Variants in MACROD2 observed in about 807,000 individuals in gnomAD.
MACROD2 encodes mono-ADP ribosylhydrolase 2.
MACROD2 carries 36 observed loss-of-function variants against 70.4 expected under a neutral mutation model. That is an observed-to-expected ratio of 0.51 (90% confidence interval 0.39 to 0.68). MACROD2 has a LOEUF of 0.68. Among genes scored for constraint, MACROD2 ranks in the 30% least tolerant of loss-of-function variants. The pLI is 0.00. For missense variants in MACROD2, 496 were observed against 538.4 expected, an observed-to-expected ratio of 0.92 and a Z score of 0.78; for synonymous variants, 172 against 178.8, an observed-to-expected ratio of 0.96 and a Z score of 0.30.
intron 5 of MACROD2, among the ~76,000 whole-genome samples, chr20:14,891,657 A>G (rs1372058256): frequency 6.6e-6 from 1 of 152,118 alleles, no homozygotes; most frequent in East Asian, 1.9e-4. Flanking sequence ...ATAGTAATAG[A>G]AAACAGAGGG....
chr20:16,028,543 G>A lies in MACROD2; in HGVS notation c.1154-12658G>A, dbSNP rs1373333914. Among the ~76,000 whole-genome samples the A allele has an allele frequency of 2.6e-5, 4 of 152,114 alleles. No homozygotes were observed. The South Asian group carries it at 6.2e-4, about 24-fold the overall frequency. ...AAGTATTTCTATATATCAGGATCTCGTGCTCACCCTCAGCTATCATCACTG... is the reference window on the plus strand; with the variant it reads ...AAGTATTTCTATATATCAGGATCTCATGCTCACCCTCAGCTATCATCACTG... On this transcript the variant is annotated intron_variant, in intron 15 of 17. Transcript: ENST00000684519.
intron 5 of MACROD2, among the ~76,000 whole-genome samples, chr20:14,807,792 G>A (rs746304712): frequency 1.1e-4 from 17 of 152,174 alleles, no homozygotes; most frequent in South Asian, 1.0e-3. Flanking sequence ...ACTTTGTGAA[G>A]CATACACAAG....
intron 5 of MACROD2, among the ~76,000 whole-genome samples, chr20:15,065,421 C>T (rs1044305788): frequency 3.3e-5 from 5 of 152,044 alleles, no homozygotes; most frequent in South Asian, 2.1e-4. Flanking sequence ...TTTGGGAGGC[C>T]GAGGCGGGCG....
chr20:14,882,525 G>T (rs1465318108), intron 5 of MACROD2, among the ~76,000 whole-genome samples: 1 of 152,140 alleles, frequency 6.6e-6, no homozygotes, highest in Non-Finnish European at 1.5e-5. Flanking sequence ...TAAATAGATT[G>T]GGAAGTTGGG....
At chr20:14,988,860 CAATGTCCGG>C (rs2074874178) in intron 5 of MACROD2, among the ~76,000 whole-genome samples, 1 of 152,042 alleles carries the variant, frequency 6.6e-6, no homozygotes, top group Non-Finnish European at 1.5e-5. Flanking sequence ...TTTGTAACAT[CAATGTCCGG>C]AATTTCTGCA....
chr20:15,675,501 A>T (rs188969058), intron 8 of MACROD2, among the ~76,000 whole-genome samples: 1 of 152,280 alleles, frequency 6.6e-6, no homozygotes, highest in African/African-American at 2.4e-5. Flanking sequence ...TCTTCAATGC[A>T]TTTGCTTACG....
At chr20:14,951,396 A>G (rs1043409632) in intron 5 of MACROD2, among the ~76,000 whole-genome samples, 2 of 152,134 alleles carry the variant, frequency 1.3e-5, no homozygotes, top group African/African-American at 4.8e-5. Flanking sequence ...TCCCATCTCA[A>G]GCACCTCCTT....
chr20:15,554,602 C>T (rs2048141621), intron 8 of MACROD2, among the ~76,000 whole-genome samples: 1 of 148,742 alleles, frequency 6.7e-6, no homozygotes, highest in Non-Finnish European at 1.5e-5. Flanking sequence ...TTAAACAAAA[C>T]ATGGTTATAT....
chr20:15,296,712 G>A (rs1207536052), intron 6 of MACROD2, among the ~76,000 whole-genome samples: 1 of 149,480 alleles, frequency 6.7e-6, no homozygotes, highest in Non-Finnish European at 1.5e-5. Flanking sequence ...AGTCTGGAAA[G>A]GAATTTGGTT....
intron 5 of MACROD2, among the ~76,000 whole-genome samples, chr20:14,735,653 G>C (rs1333282044): frequency 6.6e-6 from 1 of 151,946 alleles, no homozygotes; most frequent in African/African-American, 2.4e-5. Context: ...TTCGTGACCA[G>C]CCTGGACAAT....
chr20:15,095,732 T>C (rs759877269), intron 5 of MACROD2, among the ~76,000 whole-genome samples: 18 of 151,898 alleles, frequency 1.2e-4, no homozygotes, highest in Non-Finnish European at 2.5e-4. Flanking sequence ...TTAGCCGGGA[T>C]GGTCTCGATC....
intron 6 of MACROD2, among the ~76,000 whole-genome samples, chr20:15,293,716 C>T (rs1722914595): frequency 6.6e-6 from 1 of 152,182 alleles, no homozygotes; most frequent in African/African-American, 2.4e-5. Flanking sequence ...GAGACCAAAC[C>T]TCTGATGCAA....
intron 3 of MACROD2, among the ~76,000 whole-genome samples, chr20:14,452,236 A>G (rs1242359233): frequency 6.6e-6 from 1 of 152,094 alleles, no homozygotes; most frequent in Non-Finnish European, 1.5e-5. Context: ...TTCTAATTGC[A>G]CATGGCTAAT....
At chr20:14,252,521 A>G (rs1568522026) in intron 3 of MACROD2, among the ~76,000 whole-genome samples, 1 of 151,878 alleles carries the variant, frequency 6.6e-6, no homozygotes, top group Non-Finnish European at 1.5e-5. Context: ...TGTATTATTT[A>G]TATATTTTTT....
At position 14,411,564 on chromosome 20, in the gene MACROD2, T is replaced by C. The variant is rs181917815; in HGVS notation, c.272-81915T>C. 4.1e-3 allele frequency among the ~76,000 whole-genome samples: 626 copies of C among 152,208 alleles called. 5 individuals are homozygous for C. The highest frequency in any genetic ancestry group is 0.014 in the African/African-American group (588 of 41,532). The stretch of plus-strand genomic sequence containing the variant: ...GAGGTTACCTAGAGAACACTTAAAA[T>C]TCAGTCTAAGATACTAAATACTATC... On this transcript the variant is annotated intron_variant, in intron 3 of 17. Coordinates refer to ENST00000684519, the MANE Select transcript of MACROD2 (RefSeq NM_001351661.2).
At chr20:14,540,256 C>T (rs1312450673) in intron 4 of MACROD2, among the ~76,000 whole-genome samples, 2 of 152,106 alleles carry the variant, frequency 1.3e-5, no homozygotes, top group African/African-American at 4.8e-5. Flanking sequence ...ACCTCAGTTA[C>T]GTTTACTTCC....
chr20:14,321,011 G>A (rs938408224), intron 3 of MACROD2, among the ~76,000 whole-genome samples: 1 of 152,052 alleles, frequency 6.6e-6, no homozygotes. Flanking sequence ...GGTCACTGCT[G>A]TTTATGCCTA....
chr20:15,826,176 G>A (rs920123660), intron 8 of MACROD2, among the ~76,000 whole-genome samples: 12 of 152,162 alleles, frequency 7.9e-5, no homozygotes, highest in Non-Finnish European at 1.3e-4. Flanking sequence ...GAAATATTCC[G>A]ATATTGTTAA....
chr20:15,978,878 A>G (rs1490772478), intron 13 of MACROD2, among the ~76,000 whole-genome samples: 1 of 152,258 alleles, frequency 6.6e-6, no homozygotes, highest in African/African-American at 2.4e-5. Flanking sequence ...ATGGCATTTC[A>G]TTAAACGTCA....
Sources: gnomAD v4.1 joint callset for allele counts (sites outside exome capture counted in the v4.1 genomes callset) on GRCh38, gnomAD v4.1.1 for gene constraint, MANE v1.5 for transcripts, NCBI Gene and HGNC (gene_info 2026-07-23, HGNC 2026-07-21) for gene names.